Variants in GLRA3 observed in about 807,000 individuals in gnomAD.
GLRA3 encodes the protein glycine receptor subunit alpha-3.
GLRA3 carries 44 observed loss-of-function variants against 60.4 expected under a neutral mutation model. The observed-to-expected ratio is 0.73, with a 90% CI of 0.57 to 0.94. The LOEUF is 0.94. GLRA3 is among the 40% of genes least tolerant of loss of function. The pLI is 0.00. For missense variants in GLRA3, 508 were observed against 564.6 expected (o/e 0.90, Z 1.02); for synonymous variants, 223 against 192.9 (o/e 1.16, Z -1.29).
At position 174,791,026 on chromosome 4, in the gene GLRA3, A is replaced by C. The variant is rs114495389; in HGVS notation, c.72-2083T>G. Among the ~76,000 whole-genome samples the C allele has an allele frequency of 5.4e-3, 808 of 150,990 alleles. 12 individuals are homozygous for C. Among genetic ancestry groups the C allele is most frequent in the African/African-American group, 0.019 (776 of 41,086 alleles). The stretch of plus-strand genomic sequence containing the variant: ...CTCAAAAAAAAAAAAAAAATACTAG[A>C]TGACTATGTATACTGAACCACAATC... On this transcript the variant is annotated intron_variant, in intron 1 of 9. Transcript: ENST00000274093.
intron 1 of GLRA3, among the ~76,000 whole-genome samples, chr4:174,825,027 A>T (rs1185963744): frequency 6.6e-6 from 1 of 152,112 alleles, no homozygotes; most frequent in Non-Finnish European, 1.5e-5. Flanking sequence ...TATATAGAAG[A>T]GGAAATATTT....
At chr4:174,754,833 A>G (rs1282728005) in intron 3 of GLRA3, among the ~76,000 whole-genome samples, 1 of 152,128 alleles carries the variant, frequency 6.6e-6, no homozygotes, top group African/African-American at 2.4e-5. Flanking sequence ...TTATTCTTGG[A>G]TCACTATATA....
chr4:174,813,990 G>GCTT (rs1366134536), intron 1 of GLRA3, among the ~76,000 whole-genome samples: 1 of 152,190 alleles, frequency 6.6e-6, no homozygotes, highest in Non-Finnish European at 1.5e-5. Context: ...GTGAGAGTCT[G>GCTT]CAGGAATCAG....
chr4:174,733,519 TC>T (rs1458112763), intron 3 of GLRA3, among the ~76,000 whole-genome samples: 1 of 151,874 alleles, frequency 6.6e-6, no homozygotes, highest in African/African-American at 2.4e-5. Context: ...CTCAGAACCT[TC>T]CCCCCTCTAT....
chr4:174,766,337 G>T (rs1382257545), intron 3 of GLRA3, among the ~76,000 whole-genome samples: 3 of 151,906 alleles, frequency 2.0e-5, no homozygotes, highest in Non-Finnish European at 4.4e-5. Flanking sequence ...GTCTATTTCT[G>T]CATTTTATTA....
At chr4:174,750,796 A>C (rs1737443523) in intron 3 of GLRA3, among the ~76,000 whole-genome samples, 1 of 152,096 alleles carries the variant, frequency 6.6e-6, no homozygotes, top group African/African-American at 2.4e-5. Context: ...ATAGACTTGA[A>C]ATAAATGGGT....
intron 5 of GLRA3, among the ~76,000 whole-genome samples, chr4:174,698,371 A>G (rs148070517): frequency 7.2e-5 from 11 of 152,024 alleles, no homozygotes; most frequent in African/African-American, 2.7e-4. Context: ...ATTTTTTTGT[A>G]GAGATGGGGG....
intron 3 of GLRA3, among the ~76,000 whole-genome samples, chr4:174,757,907 G>A (rs1737781830): frequency 6.6e-6 from 1 of 152,122 alleles, no homozygotes; most frequent in Non-Finnish European, 1.5e-5. Flanking sequence ...TGGGTCACGG[G>A]GGTGGATCCC....
At chr4:174,761,771 C>G (rs1737950871) in intron 3 of GLRA3, among the ~76,000 whole-genome samples, 1 of 152,116 alleles carries the variant, frequency 6.6e-6, no homozygotes. Flanking sequence ...GGGGTATAAG[C>G]AGGCTCTGGG....
intron 9 of GLRA3, among the ~76,000 whole-genome samples, chr4:174,649,461 G>A (rs1206966457): frequency 6.6e-6 from 1 of 152,152 alleles, no homozygotes; most frequent in African/African-American, 2.4e-5. Context: ...CTAGTCCTGG[G>A]CAAGTCATTC....
chr4:174,666,386 TTAAGA>T (rs996326457), intron 7 of GLRA3, among the ~76,000 whole-genome samples: 2 of 151,954 alleles, frequency 1.3e-5, no homozygotes, highest in South Asian at 2.1e-4. Flanking sequence ...AGCAAAACTA[TTAAGA>T]TAAGAGAAAT....
intron 5 of GLRA3, among the ~76,000 whole-genome samples, chr4:174,685,796 G>T (rs1381790742): frequency 6.6e-6 from 1 of 151,840 alleles, no homozygotes; most frequent in East Asian, 1.9e-4. Context: ...TCTACCTTCT[G>T]CCAGATAAGA....
At chr4:174,700,688 A>T (rs550247991) in intron 5 of GLRA3, among the ~76,000 whole-genome samples, 1 of 152,326 alleles carries the variant, frequency 6.6e-6, no homozygotes, top group South Asian at 2.1e-4. Flanking sequence ...AAAGTTATTG[A>T]AGGAAATTAA....
At chr4:174,748,246 G>A (rs1177965075) in intron 3 of GLRA3, among the ~76,000 whole-genome samples, 3 of 152,168 alleles carry the variant, frequency 2.0e-5, no homozygotes, top group Admixed American at 6.5e-5. Flanking sequence ...GTTTTCAAGA[G>A]CATAATCAAC....
intron 2 of GLRA3, among the ~76,000 whole-genome samples, chr4:174,769,845 T>C (rs1056349559): frequency 6.6e-6 from 1 of 152,100 alleles, no homozygotes; most frequent in African/African-American, 2.4e-5. Flanking sequence ...ATAGCTAGAG[T>C]TGGTAGAAAC....
At chr4:174,691,229 G>A (rs1221152431) in intron 5 of GLRA3, among the ~76,000 whole-genome samples, 3 of 152,270 alleles carry the variant, frequency 2.0e-5, no homozygotes, top group African/African-American at 7.2e-5. Context: ...TTTAGTAATA[G>A]CCATTTTGAC....
Position 174,656,780 on chromosome 4 carries a change from G to T in GLRA3, c.1079C>A (p.Ala360Asp). The T allele has an allele frequency of 6.3e-7, 1 of 1,582,356 alleles. No individual in the cohort carries two copies. Among genetic ancestry groups the T allele is most frequent in the Non-Finnish European group, 8.7e-7 (1 of 1,151,516 alleles). ...ACGGTAAAACTTCTCCAGTGCAAAAGCTTCTGTCTGTGGGAAGGTAAAGTG... is the reference window on the plus strand; with the variant it reads ...ACGGTAAAACTTCTCCAGTGCAAAATCTTCTGTCTGTGGGAAGGTAAAGTG... ...FRRKRKNKTEAFALEKFYRFS... is the reference protein window; with the variant it reads ...FRRKRKNKTEDFALEKFYRFS... Residue 360 changes from alanine to aspartate, a missense_variant, in exon 9 of 10, where the codon GCT becomes GAT. By Grantham distance (126) the Ala-to-Asp change is moderately radical. Transcript: ENST00000274093.
chr4:174,696,314 T>C (rs1230717159), intron 5 of GLRA3, among the ~76,000 whole-genome samples: 1 of 151,664 alleles, frequency 6.6e-6, no homozygotes, highest in Non-Finnish European at 1.5e-5. Context: ...AAGTAAATGA[T>C]AATATTTTGT....
chr4:174,805,614 T>G lies in GLRA3; in HGVS notation c.72-16671A>C, dbSNP rs1344867853. ...AAGATTCAGAGCTAGGACACCTACT[T>G]AAGCAGCTCCTGAATTCCTGACTCA... On this transcript the variant is annotated intron_variant, in intron 1 of 9. Coordinates refer to ENST00000274093, the MANE Select transcript of GLRA3 (RefSeq NM_006529.4). 3.9e-5 allele frequency among the ~76,000 whole-genome samples: 6 copies of G among 152,122 alleles called. No homozygotes were observed. In the South Asian group the frequency reaches 1.2e-3, roughly 32 times the overall value.
Sources: gnomAD v4.1 joint callset for allele counts (sites outside exome capture counted in the v4.1 genomes callset) on GRCh38, gnomAD v4.1.1 for gene constraint, MANE v1.5 for transcripts, NCBI Gene and HGNC (gene_info 2026-07-23, HGNC 2026-07-21) for gene names.